Variants in SYCP2L observed in about 807,000 individuals in gnomAD.
SYCP2L encodes the protein synaptonemal complex protein 2 like.
In SYCP2L, 98 loss-of-function variants were observed where a neutral mutation model predicts 125.8. The ratio of observed to expected loss-of-function variants is 0.78; its 90% CI spans 0.66 to 0.92. The LOEUF is 0.92. SYCP2L is among the 40% of genes least tolerant of loss of function. The pLI is 0.00. For synonymous variants in SYCP2L, 317 were observed against 325.4 expected (o/e 0.97, Z 0.28); for missense variants, 842 against 936.4 (o/e 0.90, Z 1.32).
In SYCP2L at chr6:10,887,110, A is replaced by G. The variant is rs1780085017; in HGVS notation, c.-17A>G. ...AAGCTGAGCGGCGCGTCGCTTCAGG[A>G]ACGAAGAAGCCTCGTTATGCAAGCG... On this transcript the variant is annotated 5_prime_UTR_variant, in exon 1 of 30. Coordinates refer to ENST00000283141, the MANE Select transcript of SYCP2L (RefSeq NM_001040274.3). 3.1e-6 allele frequency: 5 copies of G among 1,614,094 alleles called. No homozygotes were observed. Among genetic ancestry groups the G allele is most frequent in the Non-Finnish European group, 4.2e-6 (5 of 1,179,980 alleles).
intron 23 of SYCP2L, among the ~76,000 whole-genome samples, chr6:10,944,865 C>T (rs1201845170): frequency 1.3e-5 from 2 of 152,142 alleles, no homozygotes; most frequent in African/African-American, 4.8e-5. Flanking sequence ...CAGGCATGTG[C>T]CACCATACCC....
At chr6:10,906,265 A>G (rs1272529877) in intron 9 of SYCP2L, among the ~76,000 whole-genome samples, 1 of 152,088 alleles carries the variant, frequency 6.6e-6, no homozygotes, top group Non-Finnish European at 1.5e-5. Flanking sequence ...CAGCTTTGTC[A>G]CAATTTAGCA....
chr6:10,954,537 A>T lies in SYCP2L; in HGVS notation c.1955-579A>T. Reference sequence around the variant, plus strand: ...TGGTGCCATTGATAAGATGATGAGGACCAGACATGTCTGGGATAAAAGTGA... The same window carrying T: ...TGGTGCCATTGATAAGATGATGAGGTCCAGACATGTCTGGGATAAAAGTGA... On this transcript the variant is annotated intron_variant, in intron 23 of 29. Coordinates refer to ENST00000283141, the MANE Select transcript of SYCP2L (RefSeq NM_001040274.3). The surrounding 1 kb of genome is among the most constrained non-coding windows in gnomAD (Gnocchi z 4.8). Among the ~76,000 whole-genome samples the T allele has an allele frequency of 6.6e-6, 1 of 152,090 alleles. No individual in the cohort carries two copies. The highest frequency in any genetic ancestry group is 1.5e-5 in the Non-Finnish European group (1 of 68,014).
chr6:10,929,572 A>G (rs943349908), intron 18 of SYCP2L, among the ~76,000 whole-genome samples: 2 of 152,234 alleles, frequency 1.3e-5, no homozygotes, highest in Non-Finnish European at 2.9e-5. Flanking sequence ...GAAAGATTAA[A>G]CTTGCCCTAA....
At chr6:10,887,976 A>G (rs1014784894) in intron 1 of SYCP2L, among the ~76,000 whole-genome samples, 14 of 148,988 alleles carry the variant, frequency 9.4e-5, no homozygotes, top group Non-Finnish European at 7.4e-5. Context: ...TCACTGAGCC[A>G]TTTTTATGTG....
intron 1 of SYCP2L, among the ~76,000 whole-genome samples, chr6:10,889,152 G>T (rs896439423): frequency 1.3e-5 from 2 of 152,174 alleles, no homozygotes; most frequent in Non-Finnish European, 1.5e-5. Flanking sequence ...GAGCCACTGC[G>T]CCTGGCCTAA....
chr6:10,903,780 A>T (rs1163521907), intron 8 of SYCP2L, among the ~76,000 whole-genome samples: 1 of 152,018 alleles, frequency 6.6e-6, no homozygotes, highest in Non-Finnish European at 1.5e-5. Context: ...AAAATAAAAA[A>T]ATAAAAAAGA....
At chr6:10,910,440 A>G (rs1239540691) in intron 11 of SYCP2L, among the ~76,000 whole-genome samples, 1 of 152,194 alleles carries the variant, frequency 6.6e-6, no homozygotes, top group Non-Finnish European at 1.5e-5. Flanking sequence ...GACTTGGGGT[A>G]TTTTAAAATA....
intron 1 of SYCP2L, among the ~76,000 whole-genome samples, chr6:10,887,851 A>G (rs1035509090): frequency 5.3e-5 from 8 of 152,228 alleles, no homozygotes; most frequent in African/African-American, 1.9e-4. Context: ...CTTCCCAGCC[A>G]TGGGGAAACA....
chr6:10,909,116 ATTTTTT>A (rs67767345), intron 10 of SYCP2L, among the ~76,000 whole-genome samples: 54 of 94,850 alleles, frequency 5.7e-4, no homozygotes, highest in Admixed American at 1.6e-3. Flanking sequence ...TCTCAATTGA[ATTTTTT>A]TTTTTTTTTT....
intron 20 of SYCP2L, 81 bp downstream of exon 20, chr6:10,931,570 T>A (rs2113358143): frequency 7.4e-7 from 1 of 1,360,230 alleles, no homozygotes; most frequent in Non-Finnish European, 1.0e-6. Flanking sequence ...TTCAGAAATA[T>A]AAAAATAACA....
intron 29 of SYCP2L, among the ~76,000 whole-genome samples, chr6:10,972,618 C>A (rs544859502): frequency 8.2e-4 from 125 of 152,252 alleles, no homozygotes; most frequent in African/African-American, 2.8e-3. Context: ...TTTCTACACC[C>A]CAGGCAGGAA....
At chr6:10,914,749 T>G (rs1280151612) in intron 14 of SYCP2L, among the ~76,000 whole-genome samples, 1 of 149,524 alleles carries the variant, frequency 6.7e-6, no homozygotes, top group Non-Finnish European at 1.5e-5. Flanking sequence ...TTTTTTTTTT[T>G]TTTTTTTTTT....
At chr6:10,937,128 G>A (rs1781112018) in intron 21 of SYCP2L, among the ~76,000 whole-genome samples, 1 of 152,150 alleles carries the variant, frequency 6.6e-6, no homozygotes, top group African/African-American at 2.4e-5. Flanking sequence ...TAACAGCAGT[G>A]GAACACTTAT....
At chr6:10,941,343 A>G (rs533526091) in intron 21 of SYCP2L, among the ~76,000 whole-genome samples, 1 of 152,360 alleles carries the variant, frequency 6.6e-6, no homozygotes, top group Non-Finnish European at 1.5e-5. Context: ...AGCAAAAGAA[A>G]CCACCATCAG....
At chr6:10,918,154 C>T (rs1360860291) in intron 14 of SYCP2L, among the ~76,000 whole-genome samples, 1 of 149,680 alleles carries the variant, frequency 6.7e-6, no homozygotes, top group East Asian at 2.0e-4. Context: ...GCCGAGATCG[C>T]GCCACCTTAC....
Position 10,903,320 on chromosome 6 carries a change from G to A in SYCP2L, c.641+357G>A, listed in dbSNP as rs551474149. 6.6e-3 allele frequency among the ~76,000 whole-genome samples: 999 copies of A among 152,262 alleles called. 7 individuals carry two copies. Among genetic ancestry groups the A allele is most frequent in the Non-Finnish European group, 1.0e-2 (680 of 68,008 alleles). On this transcript the variant is annotated intron_variant, in intron 8 of 29. Transcript: ENST00000283141. ...TCCCAGCGCTTTGGGAGGCCAAGGC[G>A]GGTGGATCACGAGGTCAGGAGATCG... is the stretch of plus-strand genomic sequence containing the variant.
At chr6:10,899,934 A>T (rs904444205) in intron 6 of SYCP2L, among the ~76,000 whole-genome samples, 2 of 152,234 alleles carry the variant, frequency 1.3e-5, no homozygotes, top group Non-Finnish European at 1.5e-5. Flanking sequence ...TTTTTGTAAC[A>T]TTTTAAAATA....
chr6:10,968,358 G>A (rs1158899062), intron 29 of SYCP2L, among the ~76,000 whole-genome samples: 3 of 152,162 alleles, frequency 2.0e-5, no homozygotes, highest in Non-Finnish European at 4.4e-5. Context: ...CCAGGGCCCA[G>A]TGGACAAAGG....
Sources: allele counts gnomAD v4.1 joint callset (sites outside exome capture counted in the v4.1 genomes callset), GRCh38; gene constraint gnomAD v4.1.1; non-coding constraint Gnocchi (gnomAD v3.1); transcripts MANE v1.5; gene names NCBI Gene and HGNC (gene_info 2026-07-23, HGNC 2026-07-21).